The following MAP7D2 variants were observed in gnomAD, a reference collection of about 807,000 sequenced individuals.
MAP7D2 encodes the protein MAP7 domain-containing protein 2.
In MAP7D2, 33 loss-of-function variants were observed where a neutral mutation model predicts 63.5. The ratio of observed to expected loss-of-function variants is 0.52; its 90% CI spans 0.39 to 0.70. The LOEUF (loss-of-function observed/expected upper bound fraction) is 0.70. Among genes scored for constraint, MAP7D2 ranks in the 30% least tolerant of loss-of-function variants. The pLI is 0.00. For synonymous variants in MAP7D2, 224 were observed against 223.7 expected, an observed-to-expected ratio of 1.00 and a Z score of -0.01; for missense variants, 626 against 604.0, an observed-to-expected ratio of 1.04 and a Z score of -0.38.
intron 8 of MAP7D2, among the ~76,000 whole-genome samples, chrX:20,032,360 C>T (rs747597136): frequency 9.0e-6 from 1 of 111,202 alleles, no homozygotes; most frequent in Non-Finnish European, 1.9e-5. Flanking sequence ...GCCTAGTGTG[C>T]TGTAGATGCT....
chrX:20,048,844 G>A (rs1165602994), intron 6 of MAP7D2, among the ~76,000 whole-genome samples: 2 of 109,996 alleles, frequency 1.8e-5, no homozygotes, highest in African/African-American at 6.6e-5. Context: ...TGAGAGGAGG[G>A]CTTGGAGTTC....
chrX:20,032,559 T>A (rs746373042), intron 8 of MAP7D2, among the ~76,000 whole-genome samples: 1 of 111,876 alleles, frequency 8.9e-6, no homozygotes, highest in Non-Finnish European at 1.9e-5. Context: ...GACACCTTTA[T>A]CCTAATTTTT....
intron 8 of MAP7D2, among the ~76,000 whole-genome samples, chrX:20,027,519 G>A (rs1237892480): frequency 9.0e-6 from 1 of 111,152 alleles, no homozygotes; most frequent in East Asian, 2.8e-4. Flanking sequence ...GGCACTGTGG[G>A]ATGTTTAGCA....
chrX:20,062,285 G>A (rs925894458), intron 3 of MAP7D2, among the ~76,000 whole-genome samples: 1 of 111,858 alleles, frequency 8.9e-6, no homozygotes, highest in Admixed American at 9.5e-5. Context: ...CTCAGTGGTA[G>A]AGCTGGCATT....
intron 6 of MAP7D2, among the ~76,000 whole-genome samples, chrX:20,048,602 A>C (rs1025855075): frequency 9.0e-6 from 1 of 111,072 alleles, no homozygotes; most frequent in Non-Finnish European, 1.9e-5. Context: ...TTTTTGATAC[A>C]TAATTCATAT....
chrX:20,025,447 G>A (rs912832208), intron 9 of MAP7D2, among the ~76,000 whole-genome samples: 7 of 111,777 alleles, frequency 6.3e-5, no homozygotes, highest in Non-Finnish European at 1.1e-4. Flanking sequence ...CAGCATCCCC[G>A]TGAGCTTCCA....
At chrX:20,009,906 G>T (rs2073132672) in intron 16 of MAP7D2, among the ~76,000 whole-genome samples, 1 of 109,613 alleles carries the variant, frequency 9.1e-6, no homozygotes, top group Non-Finnish European at 1.9e-5. Flanking sequence ...GAGGCAAGGG[G>T]ATCTCCTGAG....
intron 1 of MAP7D2, among the ~76,000 whole-genome samples, chrX:20,088,021 T>G (rs1044255959): frequency 1.6e-4 from 17 of 107,402 alleles, no homozygotes; most frequent in African/African-American, 5.8e-4. Context: ...TCCTGAATAG[T>G]TGGGATTACA....
At position 20,056,767 on chromosome X, in the gene MAP7D2, G is replaced by C. The variant is rs369026191; in HGVS notation, c.397C>G (p.Arg133Gly). ...EEERLEAMMR[R>G]SLERTQQLEL... ...AGCTGCTGTGTGCGCTCCAGGGACC[G>C]GCGCATCATCGCCTCCAGCCGTTCC... Residue 133 changes from arginine to glycine, a missense_variant, in exon 4 of 17, where the codon CGG becomes GGG. By Grantham distance (125) the Arg-to-Gly change is moderately radical (BLOSUM62 -2). Coordinates refer to ENST00000379643, the MANE Select transcript of MAP7D2 (RefSeq NM_001168465.2). 8.3e-7 allele frequency: 1 copy of C among 1,210,950 alleles called. No individual in the cohort carries two copies. Among genetic ancestry groups the C allele is most frequent in the African/African-American group, 1.7e-5 (1 of 57,789 alleles).
chrX:20,012,453 A>G lies in MAP7D2; in HGVS notation c.1968T>C (p.Ser656=). Residue 656 remains serine (S), a synonymous_variant, in exon 15 of 17, where the codon TCT becomes TCC. Transcript: ENST00000379643. ...GTCCCCCAGCTGGCTTAAGCCCATT[A>G]GAGAAAATGTCTTGGGGATAAGTTT... The part of the protein sequence containing the change: ...APETYPQDIF[S]NGLKPAGGLI... 1.7e-6 allele frequency: 2 copies of G among 1,209,299 alleles called. No homozygotes were observed. Among genetic ancestry groups the G allele is most frequent in the Non-Finnish European group, 2.2e-6 (2 of 893,657 alleles).
intron 6 of MAP7D2, among the ~76,000 whole-genome samples, chrX:20,048,945 ATATATGTATACG>A (rs1395224129): frequency 2.8e-5 from 3 of 108,011 alleles, no homozygotes; most frequent in Non-Finnish European, 5.7e-5. Flanking sequence ...ATATATATAC[ATATATGTATACG>A]TATATGTATA....
intron 1 of MAP7D2, among the ~76,000 whole-genome samples, chrX:20,094,496 A>G (rs1207235765): frequency 5.6e-5 from 1 of 17,896 alleles, no homozygotes; most frequent in Non-Finnish European, 9.3e-5. Flanking sequence ...ACATATATAT[A>G]TATATATATA....
At chrX:20,031,537 C>T (rs2074051149) in intron 8 of MAP7D2, among the ~76,000 whole-genome samples, 1 of 110,210 alleles carries the variant, frequency 9.1e-6, no homozygotes, top group South Asian at 3.9e-4. Context: ...GAGGGCGAGG[C>T]AGGCAGATCA....
At chrX:20,046,457 G>A (rs2064801404) in intron 6 of MAP7D2, among the ~76,000 whole-genome samples, 1 of 112,831 alleles carries the variant, frequency 8.9e-6, no homozygotes, top group Admixed American at 9.4e-5. Context: ...TTCCCTCTGG[G>A]GAAAGTGTCA....
At chrX:20,017,013 G>C (rs1261249442) in intron 10 of MAP7D2, 2 of 114,075 alleles carry the variant, frequency 1.8e-5, no homozygotes, top group Non-Finnish European at 3.7e-5. Context: ...TAAAGAGCTC[G>C]AAGCAGTAAG....
intron 10 of MAP7D2, among the ~76,000 whole-genome samples, chrX:20,019,964 G>C (rs2073578729): frequency 8.9e-6 from 1 of 111,940 alleles, no homozygotes; most frequent in South Asian, 3.7e-4. Context: ...CTGCCTGCTG[G>C]CAATTGCATT....
intron 3 of MAP7D2, among the ~76,000 whole-genome samples, chrX:20,063,048 C>T (rs1313356833): frequency 4.6e-5 from 5 of 109,230 alleles, no homozygotes; most frequent in Non-Finnish European, 9.5e-5. Flanking sequence ...TTTCCCCTAT[C>T]TACTAGACCA....
chrX:20,021,742 T>C (rs777902104), intron 10 of MAP7D2, among the ~76,000 whole-genome samples: 8 of 112,355 alleles, frequency 7.1e-5, no homozygotes, highest in African/African-American at 2.6e-4. Flanking sequence ...TTATTGGGTG[T>C]ACCATTCTCC....
chrX:20,042,565 G>A lies in MAP7D2; in HGVS notation c.944C>T (p.Pro315Leu). 2 of 1,211,497 alleles carry A rather than the reference G, an allele frequency of 1.7e-6. No individual in the cohort carries two copies. The highest frequency in any genetic ancestry group is 2.2e-6 in the Non-Finnish European group (2 of 895,250). The change falls in exon 8 of 17, where the codon CCT (proline) becomes CTT (leucine). Residue 315 changes from proline (P) to leucine (L), a missense_variant. By Grantham distance (98) the Pro-to-Leu change is moderately conservative. Coordinates refer to ENST00000379643, the MANE Select transcript of MAP7D2 (RefSeq NM_001168465.2). ...TSLPVVNFGS[P>L]LRRCEFSGGI... The stretch of plus-strand genomic sequence containing the variant: ...TCCAGAAAACTCACATCTTCTCAGA[G>A]GGGACCCGAAGTTCACAACAGGAAG...
Sources: gnomAD v4.1 joint callset for allele counts (sites outside exome capture counted in the v4.1 genomes callset) on GRCh38, gnomAD v4.1.1 for gene constraint, MANE v1.5 for transcripts, NCBI Gene and HGNC (gene_info 2026-07-23, HGNC 2026-07-21) for gene names.